SKAP2: variants seen among roughly 807,000 people sequenced by gnomAD.
The protein encoded by SKAP2 is src kinase-associated phosphoprotein 2.
SKAP2 carries 28 observed loss-of-function variants against 54.9 expected under a neutral mutation model. The ratio of observed to expected loss-of-function variants is 0.51; its 90% CI spans 0.38 to 0.70. The LOEUF (loss-of-function observed/expected upper bound fraction) is 0.70, where lower values mean the gene tolerates loss of function less well. Among genes scored for constraint, SKAP2 ranks in the 30% least tolerant of loss-of-function variants. The probability of loss-of-function intolerance (pLI) is 0.00; values close to 1 mark genes in which losing one functional copy is unlikely to be tolerated. For synonymous variants in SKAP2, 137 were observed against 134.3 expected, an observed-to-expected ratio of 1.02 and a Z score of -0.14; for missense variants, 356 against 424.1, an observed-to-expected ratio of 0.84 and a Z score of 1.41.
At chr7:26,820,790 A>T (rs1784370519) in intron 4 of SKAP2, among the ~76,000 whole-genome samples, 1 of 152,180 alleles carries the variant, frequency 6.6e-6, no homozygotes, top group South Asian at 2.1e-4. Context: ...AAATTAAACT[A>T]CTTATGTTCA....
chr7:26,699,465 G>A (rs1269409780), intron 9 of SKAP2, among the ~76,000 whole-genome samples: 1 of 152,068 alleles, frequency 6.6e-6, no homozygotes. Context: ...ATGTACAGAT[G>A]TAACAGGTTT....
chr7:26,699,269 G>A (rs1786970314), intron 9 of SKAP2, among the ~76,000 whole-genome samples: 2 of 152,086 alleles, frequency 1.3e-5, no homozygotes, highest in Admixed American at 1.3e-4. Context: ...ATCTGTATGA[G>A]GTGGATTTTC....
intron 3 of SKAP2, among the ~76,000 whole-genome samples, chr7:26,852,036 A>G (rs1359485837): frequency 6.6e-6 from 1 of 152,178 alleles, no homozygotes; most frequent in Non-Finnish European, 1.5e-5. Flanking sequence ...AGAAAGGAGG[A>G]AAAAGGTTAT....
chr7:26,754,697 A>C (rs1220987073), intron 4 of SKAP2, among the ~76,000 whole-genome samples: 2 of 152,210 alleles, frequency 1.3e-5, no homozygotes, highest in East Asian at 3.8e-4. Context: ...CTAACAACAC[A>C]CAACAACTGA....
At chr7:26,821,310 T>C (rs951971065) in intron 4 of SKAP2, among the ~76,000 whole-genome samples, 2 of 152,068 alleles carry the variant, frequency 1.3e-5, no homozygotes, top group African/African-American at 2.4e-5. Flanking sequence ...ACATCAACAT[T>C]CAAATGAACG....
intron 4 of SKAP2, among the ~76,000 whole-genome samples, chr7:26,790,337 G>A (rs1380532178): frequency 1.3e-5 from 2 of 152,166 alleles, no homozygotes; most frequent in Non-Finnish European, 2.9e-5. Flanking sequence ...TGATTTTGGT[G>A]TCGTTCACAT....
At chr7:26,815,250 C>T (rs1321345676) in intron 4 of SKAP2, among the ~76,000 whole-genome samples, 10 of 151,910 alleles carry the variant, frequency 6.6e-5, no homozygotes, top group Non-Finnish European at 1.3e-4. Flanking sequence ...TTTAAAAACA[C>T]ATACAGGTTT....
chr7:26,841,362 G>T (rs1329240250), intron 4 of SKAP2, among the ~76,000 whole-genome samples: 1 of 151,670 alleles, frequency 6.6e-6, no homozygotes, highest in Non-Finnish European at 1.5e-5. Context: ...AAAAAAGGCA[G>T]GCTGAAAACA....
intron 11 of SKAP2, among the ~76,000 whole-genome samples, chr7:26,683,087 A>G (rs1336218151): frequency 2.0e-5 from 3 of 152,216 alleles, no homozygotes; most frequent in Non-Finnish European, 4.4e-5. Context: ...ACTCACTCCT[A>G]TAATCTGAAC....
intron 4 of SKAP2, among the ~76,000 whole-genome samples, chr7:26,769,333 T>G (rs1036669482): frequency 6.6e-6 from 1 of 152,222 alleles, no homozygotes; most frequent in African/African-American, 2.4e-5. Context: ...TCCAAACTGG[T>G]TATTCTAGTT....
chr7:26,756,512 C>CT, intron 4 of SKAP2, among the ~76,000 whole-genome samples: 1 of 152,230 alleles, frequency 6.6e-6, no homozygotes, highest in East Asian at 1.9e-4. Flanking sequence ...TGAACTCATC[C>CT]TTTTTTATGG....
intron 5 of SKAP2, 70 bp from the exon 6 acceptor site, chr7:26,738,948 C>T (rs1782369242): frequency 1.1e-6 from 1 of 914,860 alleles, no homozygotes; most frequent in Non-Finnish European, 1.8e-6. Context: ...AATATGATTT[C>T]TAAGATTCCT....
chr7:26,701,503 C>G (rs1220491940), intron 9 of SKAP2, among the ~76,000 whole-genome samples: 1 of 152,102 alleles, frequency 6.6e-6, no homozygotes, highest in Admixed American at 6.5e-5. Context: ...GAGGCCAAGG[C>G]AGGTAGATCA....
In SKAP2 at chr7:26,828,985, C is replaced by T. The variant is rs910076555; in HGVS notation, c.307+15045G>A. Reference sequence around the variant, plus strand: ...CAGAGGTTGCGGTGAGCTAAGATCGCGCCATTGCACTCCAGCCTGGGCGAC... The same window carrying T: ...CAGAGGTTGCGGTGAGCTAAGATCGTGCCATTGCACTCCAGCCTGGGCGAC... On this transcript the variant is annotated intron_variant, in intron 4 of 12. Transcript: ENST00000345317. 7.5e-5 allele frequency among the ~76,000 whole-genome samples: 11 copies of T among 147,116 alleles called. No individual in the cohort carries two copies. The East Asian group carries it at 1.9e-3, about 25-fold the overall frequency.
Position 26,725,514 on chromosome 7 carries a change from T to A in SKAP2, c.710A>T (p.Tyr237Phe). 1.2e-6 allele frequency: 2 copies of A among 1,611,476 alleles called. No homozygotes were observed. Among genetic ancestry groups the A allele is most frequent in the Non-Finnish European group, 1.7e-6 (2 of 1,179,142 alleles). ...PEDYDERGEL[Y>F]DDVDHPLPIS... ...TGGTAGAGGATGATCAACATCATCA[T>A]ATAATTCTCCTCTCTCATCATAATC... Residue 237 changes from tyrosine (Y) to phenylalanine (F), a missense_variant, in exon 9 of 13, where the codon TAT (tyrosine) becomes TTT (phenylalanine). Transcript: ENST00000345317.
intron 4 of SKAP2, among the ~76,000 whole-genome samples, chr7:26,768,619 T>A (rs1294949863): frequency 1.3e-5 from 2 of 152,358 alleles, no homozygotes; most frequent in African/African-American, 4.8e-5. Context: ...CCATGTTTAA[T>A]GCTTCCTTCA....
At chr7:26,801,792 C>T (rs746296252) in intron 4 of SKAP2, among the ~76,000 whole-genome samples, 2 of 152,002 alleles carry the variant, frequency 1.3e-5, no homozygotes, top group Non-Finnish European at 2.9e-5. Flanking sequence ...TAGAAATTAA[C>T]TTAAAGAGGT....
chr7:26,674,615 T>C (rs939609220), intron 11 of SKAP2, among the ~76,000 whole-genome samples: 1 of 152,170 alleles, frequency 6.6e-6, no homozygotes, highest in Admixed American at 6.5e-5. Context: ...CTCCATGATG[T>C]TTGAGCACCA....
At chr7:26,697,464 T>A (rs566041843) in intron 9 of SKAP2, among the ~76,000 whole-genome samples, 1 of 152,332 alleles carries the variant, frequency 6.6e-6, no homozygotes, top group South Asian at 2.1e-4. Flanking sequence ...TCTTGTCCCA[T>A]TGAATTATTC....
Sources: gnomAD v4.1 joint callset for allele counts (sites outside exome capture counted in the v4.1 genomes callset) on GRCh38, gnomAD v4.1.1 for gene constraint, MANE v1.5 for transcripts, NCBI Gene and HGNC (gene_info 2026-07-23, HGNC 2026-07-21) for gene names.